The following TSPAN5 variants were observed in gnomAD, a reference collection of about 807,000 sequenced individuals.
TSPAN5 encodes tetraspanin-5.
TSPAN5 carries 10 observed loss-of-function variants against 37.1 expected under a neutral mutation model. That is an observed-to-expected ratio of 0.27 (90% CI 0.17 to 0.46). The LOEUF is 0.46. Ranked by LOEUF, TSPAN5 falls within the 20% of genes least tolerant of loss-of-function variation. The pLI is 1.00. For synonymous variants in TSPAN5, 110 were observed against 118.9 expected (o/e 0.93, Z 0.48); for missense variants, 195 against 326.6 (o/e 0.60, Z 3.11).
chr4:98,552,270 T>C lies in TSPAN5; in HGVS notation c.82-44542A>G, dbSNP rs188777023. 3.2e-3 allele frequency among the ~76,000 whole-genome samples: 491 copies of C among 152,372 alleles called. 3 individuals carry two copies. The highest frequency in any genetic ancestry group is 0.011 in the African/African-American group (470 of 41,586). The stretch of plus-strand genomic sequence containing the variant: ...TGAGTTTGGTTTGTTCTTATTTTTC[T>C]AGTTCCTTCAAGTGTGATGTTAGGT... On this transcript the variant is annotated intron_variant, in intron 1 of 7. Coordinates refer to ENST00000305798, the MANE Select transcript of TSPAN5 (RefSeq NM_005723.4).
chr4:98,509,320 G>T (rs1314782424), intron 1 of TSPAN5, among the ~76,000 whole-genome samples: 1 of 152,208 alleles, frequency 6.6e-6, no homozygotes, highest in Non-Finnish European at 1.5e-5. Flanking sequence ...GGGCTTCACT[G>T]TTCTCAGCAG....
intron 2 of TSPAN5, among the ~76,000 whole-genome samples, chr4:98,493,426 A>G (rs1753128650): frequency 6.6e-6 from 1 of 152,218 alleles, no homozygotes; most frequent in Non-Finnish European, 1.5e-5. Context: ...GAACAAGGAT[A>G]AATGAGTGAG....
intron 1 of TSPAN5, among the ~76,000 whole-genome samples, chr4:98,583,161 T>C (rs1460945217): frequency 6.6e-6 from 1 of 152,240 alleles, no homozygotes; most frequent in Non-Finnish European, 1.5e-5. Context: ...ATTTTCTACC[T>C]CATTTTATCA....
intron 1 of TSPAN5, among the ~76,000 whole-genome samples, chr4:98,559,878 G>A (rs552580854): frequency 1.3e-5 from 2 of 152,296 alleles, no homozygotes; most frequent in East Asian, 3.9e-4. Context: ...CTTAAGTGTA[G>A]AATAAATTGA....
intron 1 of TSPAN5, among the ~76,000 whole-genome samples, chr4:98,541,264 GTGGTCC>G: frequency 6.6e-6 from 1 of 152,128 alleles, no homozygotes; most frequent in Non-Finnish European, 1.5e-5. Context: ...TAACACTAAG[GTGGTCC>G]TTATCCACCA....
chr4:98,516,180 G>A (rs1439313243), intron 1 of TSPAN5, among the ~76,000 whole-genome samples: 1 of 152,182 alleles, frequency 6.6e-6, no homozygotes, highest in Non-Finnish European at 1.5e-5. Context: ...AGGGGCTCCT[G>A]TACGCATATT....
chr4:98,482,283 A>T (rs903257068), intron 3 of TSPAN5, 108 bp from the exon 4 acceptor site: 1 of 923,550 alleles, frequency 1.1e-6, no homozygotes, highest in African/African-American at 1.7e-5. Flanking sequence ...GGATTGTTAC[A>T]CATCTCCAAA....
intron 1 of TSPAN5, among the ~76,000 whole-genome samples, chr4:98,622,654 A>T (rs1756506908): frequency 6.6e-6 from 1 of 152,216 alleles, no homozygotes; most frequent in Non-Finnish European, 1.5e-5. Flanking sequence ...GATGGGTCTG[A>T]CATGACTTTT....
chr4:98,502,336 A>G (rs1302065665), intron 2 of TSPAN5, among the ~76,000 whole-genome samples: 1 of 152,220 alleles, frequency 6.6e-6, no homozygotes. Context: ...AGATTTCTTA[A>G]GACGAGTCAA....
At chr4:98,602,198 A>G (rs1486803721) in intron 1 of TSPAN5, among the ~76,000 whole-genome samples, 7 of 152,076 alleles carry the variant, frequency 4.6e-5, no homozygotes, top group Non-Finnish European at 1.0e-4. Flanking sequence ...TGGCACTGAT[A>G]CTCTTGCTCC....
intron 1 of TSPAN5, among the ~76,000 whole-genome samples, chr4:98,622,981 G>A (rs566003066): frequency 1.3e-5 from 2 of 152,250 alleles, no homozygotes; most frequent in African/African-American, 4.8e-5. Flanking sequence ...ATAAGAAACA[G>A]ATTTGTAAAT....
chr4:98,522,816 C>A (rs930652846), intron 1 of TSPAN5, among the ~76,000 whole-genome samples: 57 of 152,302 alleles, frequency 3.7e-4, no homozygotes, highest in African/African-American at 1.3e-3. Flanking sequence ...GGCAGCCTGA[C>A]GACACCATTT....
At chr4:98,523,516 C>A (rs1264894890) in intron 1 of TSPAN5, among the ~76,000 whole-genome samples, 1 of 152,088 alleles carries the variant, frequency 6.6e-6, no homozygotes, top group Non-Finnish European at 1.5e-5. Flanking sequence ...CTCACTGCAA[C>A]CTCTGCCTCC....
chr4:98,532,413 G>A (rs532042908), intron 1 of TSPAN5, among the ~76,000 whole-genome samples: 3 of 152,308 alleles, frequency 2.0e-5, no homozygotes, highest in African/African-American at 7.2e-5. Context: ...CACATCCCTT[G>A]TAAGTTGGAT....
chr4:98,485,328 T>C (rs1486255136), intron 3 of TSPAN5: 5 of 152,236 alleles, frequency 3.3e-5, no homozygotes, highest in Non-Finnish European at 7.3e-5. Flanking sequence ...TCCCCAGGTT[T>C]CTGACTAGGT....
intron 1 of TSPAN5, among the ~76,000 whole-genome samples, chr4:98,630,833 G>T (rs577874195): frequency 1.3e-5 from 2 of 152,326 alleles, no homozygotes; most frequent in African/African-American, 4.8e-5. Flanking sequence ...CAGAGCTAAA[G>T]ATGTGAGGAT....
chr4:98,561,890 G>A (rs550534071), intron 1 of TSPAN5, among the ~76,000 whole-genome samples: 3 of 152,304 alleles, frequency 2.0e-5, no homozygotes, highest in South Asian at 2.1e-4. Flanking sequence ...CTACACCGTC[G>A]CTGCGTCCTG....
intron 5 of TSPAN5, 58 bp downstream of exon 5, chr4:98,478,627 A>G (rs377534954): frequency 1.4e-5 from 23 of 1,609,428 alleles, no homozygotes; most frequent in East Asian, 8.9e-5. Flanking sequence ...TGCTCGTCCC[A>G]TGCACACTCT....
rs548511544 is a variant in TSPAN5, at chr4:98,548,445, G to T, written c.82-40717C>A. 3.3e-5 allele frequency among the ~76,000 whole-genome samples: 5 copies of T among 152,130 alleles called. No individual in the cohort carries two copies. In the East Asian group the frequency reaches 9.7e-4, roughly 29 times the overall value. ...ATTAACGTGATGAAGCAATGATGGA[G>T]AAAAGAGATCCGTACACAGTTATAT... is the stretch of plus-strand genomic sequence containing the variant. On this transcript the variant is annotated intron_variant, in intron 1 of 7. Coordinates refer to ENST00000305798, the MANE Select transcript of TSPAN5 (RefSeq NM_005723.4).
Sources: gnomAD v4.1 joint callset for allele counts (sites outside exome capture counted in the v4.1 genomes callset) on GRCh38, gnomAD v4.1.1 for gene constraint, MANE v1.5 for transcripts, NCBI Gene and HGNC (gene_info 2026-07-23, HGNC 2026-07-21) for gene names.